Variants in TRIB2 observed in about 807,000 individuals in gnomAD.
TRIB2 encodes the protein tribbles pseudokinase 2, also known as tribbles homolog 2.
A neutral mutation model predicts 26.8 loss-of-function variants in TRIB2; 2 were observed. The observed-to-expected ratio is 0.07, with a 90% CI of 0.03 to 0.24. TRIB2 has a LOEUF of 0.24. Ranked by LOEUF, TRIB2 falls within the 10% of genes least tolerant of loss-of-function variation. The pLI is 1.00. For missense variants in TRIB2, 306 were observed against 449.0 expected, an observed-to-expected ratio of 0.68 and a Z score of 2.88; for synonymous variants, 189 against 187.3, an observed-to-expected ratio of 1.01 and a Z score of -0.08.
At position 12,740,422 on chromosome 2, in the gene TRIB2, C is replaced by T; in HGVS notation, c.660C>T (p.Ser220=). ...SDKHGCPAYV[S]PEILNTSGSY... is the part of the protein sequence containing the mutation. ...AGCATGGCTGCCCGGCTTACGTAAGCCCAGAGATCTTGAACACCAGTGGCA... is the reference window on the plus strand; with the variant it reads ...AGCATGGCTGCCCGGCTTACGTAAGTCCAGAGATCTTGAACACCAGTGGCA... Residue 220 remains serine (S), a synonymous_variant, in exon 3 of 3, where the codon AGC becomes AGT. Transcript: ENST00000155926. The surrounding 1 kb of genome is among the most constrained non-coding windows in gnomAD (Gnocchi z 5.8). The T allele has an allele frequency of 6.2e-7, 1 of 1,614,150 alleles. No individual in the cohort carries two copies. Among genetic ancestry groups the T allele is most frequent in the Non-Finnish European group, 8.5e-7 (1 of 1,180,020 alleles).
At chr2:12,733,953 C>T (rs540807536) in intron 2 of TRIB2, among the ~76,000 whole-genome samples, 6 of 152,298 alleles carry the variant, frequency 3.9e-5, no homozygotes, top group African/African-American at 1.4e-4. Context: ...GGAACCACAC[C>T]CTGCTGCTTT....
intron 2 of TRIB2, among the ~76,000 whole-genome samples, chr2:12,738,610 T>G (rs1350276975): frequency 6.6e-6 from 1 of 152,106 alleles, no homozygotes; most frequent in Non-Finnish European, 1.5e-5. Flanking sequence ...CAGAGGAAGA[T>G]TTCAATTTTG....
rs927875435 is a variant in TRIB2, at chr2:12,732,686, C to T, written c.564-7640C>T. Among the ~76,000 whole-genome samples the T allele has an allele frequency of 1.3e-5, 2 of 152,214 alleles. No homozygotes were observed. The highest frequency in any genetic ancestry group is 6.5e-5 in the Admixed American group (1 of 15,282). ...TTTGGCATCGTTTAGTGGCCTGTGA[C>T]GTTCTAATGCAGCTGCCAGGCCGGC... On this transcript the variant is annotated intron_variant, in intron 2 of 2. Transcript: ENST00000155926. The surrounding 1 kb of genome is among the most constrained non-coding windows in gnomAD (Gnocchi z 4.2).
chr2:12,736,853 C>A (rs1170728864), intron 2 of TRIB2, among the ~76,000 whole-genome samples: 1 of 152,140 alleles, frequency 6.6e-6, no homozygotes, highest in Non-Finnish European at 1.5e-5. Context: ...ACGATATCTC[C>A]CATGCTGAAA....
Position 12,717,299 on chromosome 2 carries a change from G to A in TRIB2, c.-1009G>A, listed in dbSNP as rs369225705. The A allele has an allele frequency of 5.0e-6, 2 of 398,402 alleles. No homozygotes were observed. The allele number at this position is 398,402 out of a possible 1,614,324, so 24.7% of individuals were successfully genotyped here. ...GGAAAGGGGCAAAGGAACGCCGCGC[G>A]TTGGAAGGGCCAGGGACGCAGCTCC... On this transcript the variant is annotated 5_prime_UTR_variant, in exon 1 of 3. Transcript: ENST00000155926. The surrounding 1 kb of genome is among the most constrained non-coding windows in gnomAD (Gnocchi z 4.8).
At position 12,740,678 on chromosome 2, in the gene TRIB2, C is replaced by T. The variant is rs2103261181; in HGVS notation, c.916C>T (p.Pro306Ser). 6.2e-7 allele frequency: 1 copy of T among 1,614,202 alleles called. No homozygotes were observed. ...GACCTCGCAGGAAATTCTGGACCAT[C>T]CTTGGTTTTCTACAGATTTTAGCGT... is the stretch of plus-strand genomic sequence containing the variant. ...RLTSQEILDH[P>S]WFSTDFSVSN... Residue 306 changes from proline to serine, a missense_variant, in exon 3 of 3, where the codon CCT becomes TCT. By Grantham distance (74) the Pro-to-Ser change is moderately conservative (BLOSUM62 -1). Around this residue, in one of 4 missense-constraint regions of TRIB2, gnomAD observed 78 missense variants for 104.9 expected, o/e 0.74. Transcript: ENST00000155926. This position sits in a 1 kb window ranked among gnomAD's most constrained non-coding sequence, Gnocchi z 5.8.
chr2:12,732,944 A>C lies in TRIB2; in HGVS notation c.564-7382A>C, dbSNP rs1661487704. 6.6e-6 allele frequency among the ~76,000 whole-genome samples: 1 copy of C among 152,148 alleles called. No homozygotes were observed. Among genetic ancestry groups the C allele is most frequent in the Non-Finnish European group, 1.5e-5 (1 of 68,022 alleles). ...CTCTGGATTTCACTGACCTTAGGCC[A>C]CCGGACTTCCCATCCCTGCCAGGCC... is the stretch of plus-strand genomic sequence containing the variant. On this transcript the variant is annotated intron_variant, in intron 2 of 2. Coordinates refer to ENST00000155926, the MANE Select transcript of TRIB2 (RefSeq NM_021643.4). The surrounding 1 kb of genome is among the most constrained non-coding windows in gnomAD (Gnocchi z 4.2).
In TRIB2 at chr2:12,732,768, CGGGCGGGACCCTGGCTTTCACAGCT is replaced by C. The variant is rs1388777142; in HGVS notation, c.564-7555_564-7531del. On this transcript the variant is annotated intron_variant, in intron 2 of 2. Coordinates refer to ENST00000155926, the MANE Select transcript of TRIB2 (RefSeq NM_021643.4). This position sits in a 1 kb window ranked among gnomAD's most constrained non-coding sequence, Gnocchi z 4.2. ...CCCAGGCCCTTGGTAGCAGCCGCCC[CGGGCGGGACCCTGGCTTTCACAGCT>C]GGACTGGCTGCCCAGAGGACTTTTT... 6.6e-6 allele frequency among the ~76,000 whole-genome samples: 1 copy of C among 152,220 alleles called. No homozygotes were observed. Among genetic ancestry groups the C allele is most frequent in the Non-Finnish European group, 1.5e-5 (1 of 68,042 alleles).
intron 2 of TRIB2, among the ~76,000 whole-genome samples, chr2:12,733,743 G>A (rs1226486047): frequency 6.6e-6 from 1 of 152,180 alleles, no homozygotes; most frequent in African/African-American, 2.4e-5. Flanking sequence ...TCTGAAGCTA[G>A]ACGAGCCCTT....
At chr2:12,724,632 C>T (rs750627914) in intron 2 of TRIB2, 3 of 1,612,142 alleles carry the variant, frequency 1.9e-6, no homozygotes, top group Non-Finnish European at 1.7e-6. Flanking sequence ...CGCTCAGATG[C>T]CTCTGCCCCT....
At chr2:12,719,574 CTG>C (rs1491388123) in intron 1 of TRIB2, among the ~76,000 whole-genome samples, 1 of 93,690 alleles carries the variant, frequency 1.1e-5, no homozygotes. Flanking sequence ...GATTTGCTGA[CTG>C]TTTTTTTTTT....
At chr2:12,735,934 C>T (rs1420837073) in intron 2 of TRIB2, among the ~76,000 whole-genome samples, 1 of 152,138 alleles carries the variant, frequency 6.6e-6, no homozygotes. Flanking sequence ...ATTTTATTCT[C>T]AAATTCACGA....
In TRIB2 at chr2:12,717,090, T is replaced by TC. The variant is rs2103246599; in HGVS notation, c.-1214dup. On this transcript the variant is annotated 5_prime_UTR_variant, in exon 1 of 3. Transcript: ENST00000155926. This position sits in a 1 kb window ranked among gnomAD's most constrained non-coding sequence, Gnocchi z 4.8. ...GATTGGCCTCGGGCACCGTCGGCCG[T>TC]CCCCTTTAATTTTTAAATACACGGT... 3.4e-6 allele frequency: 1 copy of TC among 292,294 alleles called. No individual in the cohort carries two copies. The highest frequency in any genetic ancestry group is 6.3e-6 in the Non-Finnish European group (1 of 159,898). The allele number at this position is 292,294 out of a possible 1,614,324, so 18.1% of individuals were successfully genotyped here.
intron 1 of TRIB2, among the ~76,000 whole-genome samples, chr2:12,719,737 T>G (rs977056875): frequency 9.9e-5 from 15 of 152,174 alleles, no homozygotes; most frequent in African/African-American, 3.4e-4. Flanking sequence ...ACTGGAGTAT[T>G]TCATTGCAAA....
chr2:12,723,360 C>A lies in TRIB2; in HGVS notation c.371C>A (p.Thr124Asn), dbSNP rs1488566036. Reference sequence around the variant, plus strand: ...ATCACTGAAATTATCCTGGGTGAGACCAAAGCCTATGTGTTCTTTGAGCGA... The same window carrying A: ...ATCACTGAAATTATCCTGGGTGAGAACAAAGCCTATGTGTTCTTTGAGCGA... ...NQITEIILGE[T>N]KAYVFFERSY... is the part of the protein sequence containing the mutation. Residue 124 changes from threonine to asparagine, a missense_variant, in exon 2 of 3, where the codon ACC becomes AAC. This residue lies in a region of TRIB2 where 118 missense variants were observed against 188.8 expected (regional missense o/e 0.63). Coordinates refer to ENST00000155926, the MANE Select transcript of TRIB2 (RefSeq NM_021643.4). 1.2e-6 allele frequency: 2 copies of A among 1,614,092 alleles called. No homozygotes were observed. The highest frequency in any genetic ancestry group is 2.2e-5 in the East Asian group (1 of 44,904).
intron 2 of TRIB2, among the ~76,000 whole-genome samples, chr2:12,729,350 C>A (rs1442719770): frequency 1.3e-5 from 2 of 152,146 alleles, no homozygotes; most frequent in Non-Finnish European, 2.9e-5. Flanking sequence ...CGGAATGTCT[C>A]CTTTTTTGAG....
Position 12,717,136 on chromosome 2 carries a change from G to T in TRIB2, c.-1172G>T. 1 of 376,634 alleles carries T rather than the reference G, an allele frequency of 2.7e-6. No individual in the cohort carries two copies. The highest frequency in any genetic ancestry group is 4.7e-6 in the Non-Finnish European group (1 of 212,984). The allele number at this position is 376,634 out of a possible 1,614,324, so 23.3% of individuals were successfully genotyped here. Reference sequence around the variant, plus strand: ...ACGGTCCCCTCTTTTCTCTGGGGGGGGCAAGCAAGAAATCAAAGAAGGAGG... The same window carrying T: ...ACGGTCCCCTCTTTTCTCTGGGGGGTGCAAGCAAGAAATCAAAGAAGGAGG... On this transcript the variant is annotated 5_prime_UTR_variant, in exon 1 of 3. Coordinates refer to ENST00000155926, the MANE Select transcript of TRIB2 (RefSeq NM_021643.4). The surrounding 1 kb of genome is among the most constrained non-coding windows in gnomAD (Gnocchi z 4.8).
intron 2 of TRIB2, among the ~76,000 whole-genome samples, chr2:12,733,861 G>A (rs892550429): frequency 1.9e-4 from 29 of 152,118 alleles, no homozygotes; most frequent in African/African-American, 7.0e-4. Context: ...GAGCTCTGGA[G>A]CCTGTGCTGA....
At chr2:12,726,770 T>G (rs1317185567) in intron 2 of TRIB2, among the ~76,000 whole-genome samples, 1 of 152,228 alleles carries the variant, frequency 6.6e-6, no homozygotes, top group Non-Finnish European at 1.5e-5. Context: ...CTCAGTGATG[T>G]GCTTCTTGAA....
Sources: allele counts gnomAD v4.1 joint callset (sites outside exome capture counted in the v4.1 genomes callset), GRCh38; gene constraint gnomAD v4.1.1; regional missense constraint gnomAD v4.1.1; non-coding constraint Gnocchi (gnomAD v3.1); transcripts MANE v1.5; gene names NCBI Gene and HGNC (gene_info 2026-07-23, HGNC 2026-07-21).